ST8SIA4: variants seen among roughly 807,000 people sequenced by gnomAD.
ST8SIA4 encodes the protein ST8 alpha-N-acetyl-neuraminide alpha-2,8-sialyltransferase 4.
In ST8SIA4, 15 loss-of-function variants were observed where a neutral mutation model predicts 33.9. That is an observed-to-expected ratio of 0.44 (90% CI 0.30 to 0.68). ST8SIA4 has a LOEUF of 0.68. Among genes scored for constraint, ST8SIA4 ranks in the 30% least tolerant of loss-of-function variants. The pLI is 0.10. For missense variants in ST8SIA4, 321 were observed against 428.0 expected (o/e 0.75, Z 2.21); for synonymous variants, 171 against 151.2 (o/e 1.13, Z -0.96).
chr5:100,836,340 T>C (rs1288186232), intron 4 of ST8SIA4, among the ~76,000 whole-genome samples: 1 of 152,062 alleles, frequency 6.6e-6, no homozygotes, highest in East Asian at 1.9e-4. Context: ...TACAAAGTAA[T>C]CTGGCTCCAG....
At chr5:100,848,026 A>C (rs1220048706) in intron 4 of ST8SIA4, among the ~76,000 whole-genome samples, 1 of 151,990 alleles carries the variant, frequency 6.6e-6, no homozygotes, top group African/African-American at 2.4e-5. Context: ...TATATTCTGA[A>C]TGAGGAAATT....
At chr5:100,874,934 A>G (rs10043056) in intron 3 of ST8SIA4, among the ~76,000 whole-genome samples, 45,497 of 151,944 alleles carry the variant, frequency 0.3, 6,944 homozygotes, top group Middle Eastern at 0.32. Context: ...TTTACATGAT[A>G]TTTAGCACAT....
intron 4 of ST8SIA4, among the ~76,000 whole-genome samples, chr5:100,817,608 A>C (rs1247840976): frequency 6.6e-6 from 1 of 152,212 alleles, no homozygotes; most frequent in African/African-American, 2.4e-5. Flanking sequence ...ATATTACATA[A>C]AGCACAAACA....
intron 1 of ST8SIA4, among the ~76,000 whole-genome samples, chr5:100,902,175 G>A (rs890941802): frequency 1.3e-5 from 2 of 152,118 alleles, no homozygotes; most frequent in African/African-American, 4.8e-5. Context: ...GGGAGAGTCT[G>A]AACTCATCTA....
intron 4 of ST8SIA4, among the ~76,000 whole-genome samples, chr5:100,829,591 T>G (rs1213939438): frequency 1.3e-5 from 2 of 152,158 alleles, no homozygotes; most frequent in Non-Finnish European, 2.9e-5. Flanking sequence ...TCTAAAATTC[T>G]CGAACACATT....
rs148122543 is a variant in ST8SIA4 at position 100,854,338 on chromosome 5, C to T, written c.797+1765G>A. ...GTGGCTCATGCATGTAATTCCAGCA[C>T]TTTGGGAGGCCGAGGTGGGTGGATC... On this transcript the variant is annotated intron_variant, in intron 4 of 4. Coordinates refer to ENST00000231461, the MANE Select transcript of ST8SIA4 (RefSeq NM_005668.6). Among the ~76,000 whole-genome samples, 635 of 152,014 alleles carry T rather than the reference C, an allele frequency of 4.2e-3. 3 individuals carry two copies. The highest frequency in any genetic ancestry group is 0.015 in the African/African-American group (610 of 41,466).
In ST8SIA4 at chr5:100,845,687, GA is replaced by G. The variant is rs202001046; in HGVS notation, c.797+10415del. ...CAGTATAGCGCTTTGTTCTGATTAT[GA>G]AATTTTAGTCTTAGAATTTATAAAA... On this transcript the variant is annotated intron_variant, in intron 4 of 4. Transcript: ENST00000231461. 9.6e-3 allele frequency among the ~76,000 whole-genome samples: 1,465 copies of G among 151,940 alleles called. 25 individuals are homozygous for G. Among genetic ancestry groups the G allele is most frequent in the African/African-American group, 0.034 (1,393 of 41,498 alleles).
At chr5:100,855,738 G>A (rs1751800888) in intron 4 of ST8SIA4, among the ~76,000 whole-genome samples, 1 of 152,058 alleles carries the variant, frequency 6.6e-6, no homozygotes, top group South Asian at 2.1e-4. Flanking sequence ...TAACATTTAT[G>A]CTTACACAAT....
At chr5:100,900,539 G>C in intron 1 of ST8SIA4, 1 of 455,816 alleles carries the variant, frequency 2.2e-6, no homozygotes. Flanking sequence ...GGAGAAAAAG[G>C]AAAGTGCTCA....
At chr5:100,894,959 C>T (rs1035627574) in intron 2 of ST8SIA4, among the ~76,000 whole-genome samples, 3 of 151,964 alleles carry the variant, frequency 2.0e-5, no homozygotes, top group African/African-American at 7.2e-5. Context: ...TACAGTAATG[C>T]AATGTAACTA....
intron 3 of ST8SIA4, among the ~76,000 whole-genome samples, chr5:100,869,694 C>T (rs1343162480): frequency 6.6e-6 from 1 of 152,118 alleles, no homozygotes; most frequent in Non-Finnish European, 1.5e-5. Context: ...TGCTAACAAA[C>T]TCCAAGGGTC....
At chr5:100,852,242 C>T in intron 4 of ST8SIA4, among the ~76,000 whole-genome samples, 1 of 151,138 alleles carries the variant, frequency 6.6e-6, no homozygotes, top group Non-Finnish European at 1.5e-5. Flanking sequence ...CTGCCTCAGC[C>T]TGCCAAGTAG....
At chr5:100,857,224 A>C (rs935453457) in intron 3 of ST8SIA4, among the ~76,000 whole-genome samples, 6 of 151,968 alleles carry the variant, frequency 3.9e-5, no homozygotes, top group Non-Finnish European at 7.4e-5. Context: ...GATGTTGTTT[A>C]TATAACCTGT....
chr5:100,891,951 A>T (rs906175539), intron 2 of ST8SIA4, among the ~76,000 whole-genome samples: 2 of 151,906 alleles, frequency 1.3e-5, no homozygotes, highest in Non-Finnish European at 2.9e-5. Context: ...GCAATAGGAA[A>T]TTTTTCTTGT....
intron 2 of ST8SIA4, among the ~76,000 whole-genome samples, chr5:100,891,853 TAGC>T (rs1752674225): frequency 6.6e-6 from 1 of 152,090 alleles, no homozygotes; most frequent in Non-Finnish European, 1.5e-5. Context: ...GACCCAAGAT[TAGC>T]TCTATCGGTA....
At position 100,897,135 on chromosome 5, in the gene ST8SIA4, CAG is replaced by C. The variant is rs1398027260; in HGVS notation, c.114-1352_114-1351del. Among the ~76,000 whole-genome samples, 33 of 152,100 alleles carry C rather than the reference CAG, an allele frequency of 2.2e-4. No homozygotes were observed. In the Middle Eastern group the frequency reaches 0.01, roughly 47 times the overall value. On this transcript the variant is annotated intron_variant, in intron 1 of 4. Transcript: ENST00000231461. ...ACTTCCCTGACAGTTGGTGGAGAGA[CAG>C]AGATTATAGTAGAGAGAAAACTCAT...
At chr5:100,897,709 C>A (rs1280822642) in intron 1 of ST8SIA4, among the ~76,000 whole-genome samples, 1 of 152,138 alleles carries the variant, frequency 6.6e-6, no homozygotes, top group East Asian at 1.9e-4. Flanking sequence ...CAGCTCAAAG[C>A]ATCATCATAG....
intron 4 of ST8SIA4, among the ~76,000 whole-genome samples, chr5:100,820,269 G>A (rs187666962): frequency 6.6e-6 from 1 of 152,168 alleles, no homozygotes; most frequent in East Asian, 1.9e-4. Context: ...CATCTTGCTG[G>A]CAGATACTAA....
chr5:100,826,798 A>G (rs1361818040), intron 4 of ST8SIA4, among the ~76,000 whole-genome samples: 1 of 152,026 alleles, frequency 6.6e-6, no homozygotes, highest in Non-Finnish European at 1.5e-5. Flanking sequence ...TGAGTGTCCT[A>G]TTCAGAATAG....
Sources: allele counts gnomAD v4.1 joint callset (sites outside exome capture counted in the v4.1 genomes callset), GRCh38; gene constraint gnomAD v4.1.1; transcripts MANE v1.5; gene names NCBI Gene and HGNC (gene_info 2026-07-23, HGNC 2026-07-21).